Variants in XKR4 observed in about 807,000 individuals in gnomAD.
XKR4 encodes XK-related protein 4.
A neutral mutation model predicts 53.9 loss-of-function variants in XKR4; 12 were observed. That is an observed-to-expected ratio of 0.22 (90% CI 0.14 to 0.36). XKR4 has a LOEUF of 0.36. XKR4 is among the 10% of genes least tolerant of loss of function. The pLI is 1.00. For synonymous variants in XKR4, 354 were observed against 362.4 expected (o/e 0.98, Z 0.26); for missense variants, 799 against 859.5 (o/e 0.93, Z 0.88).
chr8:55,474,452 A>G (rs1805944573), intron 2 of XKR4, among the ~76,000 whole-genome samples: 1 of 152,130 alleles, frequency 6.6e-6, no homozygotes, highest in South Asian at 2.1e-4. Context: ...TATACACACA[A>G]AGTCTACCAT....
At chr8:55,377,576 AGGGAAACAG>A (rs1804169236) in intron 2 of XKR4, among the ~76,000 whole-genome samples, 1 of 152,186 alleles carries the variant, frequency 6.6e-6, no homozygotes, top group Admixed American at 6.5e-5. Context: ...AGAGGAAAAG[AGGGAAACAG>A]GGGAGAGAGA....
At position 55,529,285 on chromosome 8, in the gene XKR4, C is replaced by G. The variant is rs1420231716; in HGVS notation, c.*5058C>G. The G allele has an allele frequency of 1.3e-5, 2 of 151,856 alleles. No individual in the cohort carries two copies. The highest frequency in any genetic ancestry group is 1.5e-5 in the Non-Finnish European group (1 of 67,980). 9.4% of individuals were successfully genotyped at this position (151,856 alleles called of 1,614,324 possible). ...AGTGACCTGGCCCCCAAATGTAAAG[C>G]TTTTGTCAACCTTGAGGCCTATATT... On this transcript the variant is annotated 3_prime_UTR_variant, in exon 3 of 3. Transcript: ENST00000327381.
At chr8:55,422,143 C>G (rs2129392552) in intron 2 of XKR4, among the ~76,000 whole-genome samples, 1 of 152,212 alleles carries the variant, frequency 6.6e-6, no homozygotes, top group African/African-American at 2.4e-5. Flanking sequence ...GGGACTTTTT[C>G]AATTCATAAA....
chr8:55,237,570 C>T (rs999593171), intron 1 of XKR4, among the ~76,000 whole-genome samples: 9 of 152,056 alleles, frequency 5.9e-5, no homozygotes, highest in African/African-American at 1.7e-4. Flanking sequence ...AGAAGAAATC[C>T]ACATATAAAT....
intron 1 of XKR4, among the ~76,000 whole-genome samples, chr8:55,289,677 GAGAA>G (rs1554516151): frequency 0.014 from 1,691 of 125,062 alleles, 34 homozygotes; most frequent in Middle Eastern, 0.033. Flanking sequence ...AGAAAAGAAA[GAGAA>G]AGAAAGAAAG....
intron 1 of XKR4, among the ~76,000 whole-genome samples, chr8:55,232,566 A>G (rs776299437): frequency 2.3e-4 from 35 of 152,234 alleles, no homozygotes; most frequent in Non-Finnish European, 3.4e-4. Context: ...CAAATTTTTT[A>G]AATTTTTATG....
rs1817479317 is a variant in XKR4, at chr8:55,194,352, G to T, written c.806+91058G>T. 2.6e-5 allele frequency among the ~76,000 whole-genome samples: 4 copies of T among 152,294 alleles called. No homozygotes were observed. The South Asian group carries it at 8.3e-4, about 32-fold the overall frequency. On this transcript the variant is annotated intron_variant, in intron 1 of 2. Transcript: ENST00000327381. ...TCTGGCTGCTTCAGGGAGATCTCAAGGCTGACCCACTTAGAGGACCTCACA... is the reference window on the plus strand; with the variant it reads ...TCTGGCTGCTTCAGGGAGATCTCAATGCTGACCCACTTAGAGGACCTCACA...
intron 1 of XKR4, among the ~76,000 whole-genome samples, chr8:55,326,897 A>G (rs567692377): frequency 9.9e-5 from 15 of 151,982 alleles, no homozygotes; most frequent in Middle Eastern, 3.4e-3. Context: ...TAAAGAAGCC[A>G]GAAAATAAAT....
At chr8:55,105,633 A>G (rs890084241) in intron 1 of XKR4, among the ~76,000 whole-genome samples, 2 of 152,236 alleles carry the variant, frequency 1.3e-5, no homozygotes, top group African/African-American at 4.8e-5. Flanking sequence ...TGTGTAGTAG[A>G]TAAGTTTGAA....
intron 1 of XKR4, among the ~76,000 whole-genome samples, chr8:55,341,271 T>C (rs1167951338): frequency 2.6e-5 from 4 of 152,142 alleles, no homozygotes; most frequent in Non-Finnish European, 5.9e-5. Context: ...TGTGAGGCAG[T>C]GGTCAGAACC....
chr8:55,499,773 TC>T (rs1487361071), intron 2 of XKR4, among the ~76,000 whole-genome samples: 3 of 152,230 alleles, frequency 2.0e-5, no homozygotes, highest in African/African-American at 7.2e-5. Context: ...CGGCTGAATA[TC>T]CAGCTGTTGC....
intron 1 of XKR4, among the ~76,000 whole-genome samples, chr8:55,239,482 A>G (rs1818177966): frequency 6.6e-6 from 1 of 152,188 alleles, no homozygotes; most frequent in Non-Finnish European, 1.5e-5. Context: ...AGCTCTGGAG[A>G]ATAGGAACAT....
intron 1 of XKR4, among the ~76,000 whole-genome samples, chr8:55,138,918 GA>G (rs1385133923): frequency 1.3e-5 from 2 of 152,228 alleles, no homozygotes; most frequent in African/African-American, 4.8e-5. Context: ...TTAAGTCCTA[GA>G]AGAGAGTGGA....
At chr8:55,386,908 T>A (rs1368894398) in intron 2 of XKR4, among the ~76,000 whole-genome samples, 1 of 152,264 alleles carries the variant, frequency 6.6e-6, no homozygotes, top group Non-Finnish European at 1.5e-5. Flanking sequence ...ATACATTGTA[T>A]CATATAACAA....
At chr8:55,173,320 T>C (rs1817187892) in intron 1 of XKR4, among the ~76,000 whole-genome samples, 1 of 152,126 alleles carries the variant, frequency 6.6e-6, no homozygotes, top group South Asian at 2.1e-4. Flanking sequence ...ATTGTTGGTA[T>C]GACCTTATTC....
At position 55,535,571 on chromosome 8, in the gene XKR4, A is replaced by G. The variant is rs961648924; in HGVS notation, c.*11344A>G. The G allele has an allele frequency of 6.6e-5, 10 of 152,092 alleles. No individual in the cohort carries two copies. The highest frequency in any genetic ancestry group is 2.4e-4 in the African/African-American group (10 of 41,416). The allele number at this position is 152,092 out of a possible 1,614,324, so 9.4% of individuals were successfully genotyped here. On this transcript the variant is annotated 3_prime_UTR_variant, in exon 3 of 3. Coordinates refer to ENST00000327381, the MANE Select transcript of XKR4 (RefSeq NM_052898.2). ...CAATCGTGGGAATATAGGAGCAATA[A>G]ATAGTCCTCTTAAGCAAGGTTCATG...
intron 2 of XKR4, chr8:55,450,516 C>T (rs1805421775): frequency 1.5e-6 from 1 of 650,214 alleles, no homozygotes; most frequent in Non-Finnish European, 2.9e-6. Context: ...TGCTCATAGT[C>T]AGAGTCCAGT....
chr8:55,451,655 G>A, intron 2 of XKR4: 1 of 1,555,948 alleles, frequency 6.4e-7, no homozygotes, highest in Non-Finnish European at 8.8e-7. Context: ...GCGTTGTCCT[G>A]GACACTCTGG....
At chr8:55,488,095 G>T (rs1806221194) in intron 2 of XKR4, among the ~76,000 whole-genome samples, 1 of 152,134 alleles carries the variant, frequency 6.6e-6, no homozygotes, top group South Asian at 2.1e-4. Context: ...TATGGCCTTT[G>T]GGACTGTCTT....
Sources: gnomAD v4.1 joint callset for allele counts (sites outside exome capture counted in the v4.1 genomes callset) on GRCh38, gnomAD v4.1.1 for gene constraint, MANE v1.5 for transcripts, NCBI Gene and HGNC (gene_info 2026-07-23, HGNC 2026-07-21) for gene names.